Variants in SOD2 observed in about 807,000 individuals in gnomAD.
SOD2 encodes the protein superoxide dismutase [Mn], mitochondrial.
Under a neutral mutation model 27.0 loss-of-function variants are expected in SOD2, and 11 were observed. That is an observed-to-expected ratio of 0.41 (90% confidence interval 0.26 to 0.67). The LOEUF is 0.67. SOD2 is among the 30% of genes least tolerant of loss of function. The pLI is 0.34. For missense variants in SOD2, 250 were observed against 274.5 expected (o/e 0.91, Z 0.63); for synonymous variants, 105 against 103.0 (o/e 1.02, Z -0.12).
intron 1 of SOD2, among the ~76,000 whole-genome samples, chr6:159,754,071 A>G (rs116463446): frequency 0.015 from 2,279 of 152,350 alleles, 57 homozygotes; most frequent in African/African-American, 0.052. Context: ...ATTTGCTGAG[A>G]TAAAACTTGT....
chr6:159,749,672 T>C (rs1341037001), upstream of SOD2, among the ~76,000 whole-genome samples: 2 of 152,208 alleles, frequency 1.3e-5, no homozygotes, highest in African/African-American at 4.8e-5. Context: ...GAAAGTAATG[T>C]GGGACAGCTT....
intron 1 of SOD2, chr6:159,760,944 T>C (rs1050172269): frequency 6.6e-6 from 1 of 152,376 alleles, no homozygotes; most frequent in Non-Finnish European, 1.5e-5. Context: ...ATTTCACCAC[T>C]ATTCCAGACC....
Position 159,684,945 on chromosome 6 carries a change from G to C in SOD2, c.432C>G (p.Gly144=). The C allele has an allele frequency of 3.7e-6, 6 of 1,613,620 alleles. No homozygotes were observed. The highest frequency in any genetic ancestry group is 5.1e-6 in the Non-Finnish European group (6 of 1,179,810). ...TGAAACCAAGCCAACCCCAACCTGA[G>C]CCTTGGACACCAACAGATGCAGCCG... ...KLTAASVGVQ[G]SGWGWLGFNK... is the part of the protein sequence containing the mutation. Residue 144 remains glycine, a synonymous_variant, in exon 4 of 5, where the codon GGC becomes GGG. Coordinates refer to ENST00000538183, the MANE Select transcript of SOD2 (RefSeq NM_000636.4).
In SOD2 at chr6:159,693,191, T is replaced by A; in HGVS notation, c.-24A>T. 1 of 1,521,592 alleles carries A rather than the reference T, an allele frequency of 6.6e-7. No individual in the cohort carries two copies. Among genetic ancestry groups the A allele is most frequent in the Non-Finnish European group, 8.8e-7 (1 of 1,133,782 alleles). 94.3% of individuals were successfully genotyped at this position (1,521,592 alleles called of 1,614,324 possible). A position where few individuals can be genotyped will look rare whatever the true frequency, so the allele number is the denominator to read the frequency against. ...ATGCTGCTAGTGCTGGTGCTACCGCTGATGCCGCCGATCTGCTGAAGCCGC... is the reference window on the plus strand; with the variant it reads ...ATGCTGCTAGTGCTGGTGCTACCGCAGATGCCGCCGATCTGCTGAAGCCGC... On this transcript the variant is annotated 5_prime_UTR_variant, in exon 1 of 5. Transcript: ENST00000538183.
upstream of SOD2, among the ~76,000 whole-genome samples, chr6:159,728,011 G>T (rs960122407): frequency 6.6e-6 from 1 of 152,222 alleles, no homozygotes; most frequent in African/African-American, 2.4e-5. Context: ...GGCGGCGCTC[G>T]TTTTTTCCTC....
intron 1 of SOD2, among the ~76,000 whole-genome samples, chr6:159,734,177 T>G (rs1583069839): frequency 1.3e-5 from 2 of 151,900 alleles, no homozygotes; most frequent in Non-Finnish European, 1.5e-5. Flanking sequence ...GTGTGTGTGT[T>G]TTGTTTGTTT....
intron 1 of SOD2, chr6:159,755,200 A>G: frequency 6.2e-7 from 1 of 1,614,222 alleles, no homozygotes; most frequent in Non-Finnish European, 8.5e-7. Flanking sequence ...CTGAACCTGT[A>G]GAACAGTCAG....
chr6:159,712,023 C>G (rs1195638531), intron 1 of SOD2, among the ~76,000 whole-genome samples: 2 of 52,748 alleles, frequency 3.8e-5, no homozygotes, highest in African/African-American at 6.4e-5. Flanking sequence ...ATAACCACCA[C>G]TCACACTGCT....
chr6:159,729,700 T>C (rs552774117), upstream of SOD2, among the ~76,000 whole-genome samples: 4 of 152,348 alleles, frequency 2.6e-5, no homozygotes, highest in African/African-American at 9.6e-5. Context: ...GAATCACACA[T>C]GGCAGATAGA....
In SOD2 at chr6:159,736,427, CAAT is replaced by C. The variant is rs1443949623; in HGVS notation, c.-116+8700_-116+8702del. Reference sequence around the variant, plus strand: ...ATTTTTCATTTCTTTGCCTTTATAACAATAATAGCATTGGAGTTGTACAGTGTG... The same window carrying C: ...ATTTTTCATTTCTTTGCCTTTATAACAATAGCATTGGAGTTGTACAGTGTG... On this transcript the variant is annotated intron_variant, in intron 1 of 3. Coordinates refer to the SOD2 transcript ENST00000537657. 3 of 717,950 alleles carry C rather than the reference CAAT, an allele frequency of 4.2e-6. No homozygotes were observed. The African/African-American group carries it at 5.3e-5, about 13-fold the overall frequency. The allele number at this position is 717,950 out of a possible 1,614,324, so 44.5% of individuals were successfully genotyped here.
At chr6:159,727,258 C>G (rs1305580735) in exon 1 of SOD2, 1 of 1,283,544 alleles carries the variant, frequency 7.8e-7, no homozygotes, top group Non-Finnish European at 1.0e-6. Context: ...CGGCCTCCCT[C>G]CCTTCACCTT....
chr6:159,693,509 G>A (rs1342527085), upstream of SOD2, among the ~76,000 whole-genome samples: 8 of 152,246 alleles, frequency 5.3e-5, no homozygotes, highest in East Asian at 1.4e-3. Context: ...CTTGAGTGGC[G>A]CGCGGCCGAA....
At chr6:159,743,989 G>A (rs1779413547) in intron 1 of SOD2, among the ~76,000 whole-genome samples, 1 of 151,814 alleles carries the variant, frequency 6.6e-6, no homozygotes, top group Non-Finnish European at 1.5e-5. Flanking sequence ...GGCCAAGAAG[G>A]CAAAGTTTTA....
chr6:159,725,906 C>G (rs887246880), intron 1 of SOD2: 2 of 152,162 alleles, frequency 1.3e-5, no homozygotes, highest in African/African-American at 4.8e-5. Flanking sequence ...AAGCAACACA[C>G]GATTATTTCC....
chr6:159,682,752 C>T, intron 4 of SOD2, 114 bp from the exon 5 acceptor site: 1 of 969,266 alleles, frequency 1.0e-6, no homozygotes, highest in Non-Finnish European at 1.4e-6. Context: ...TTGTAACAAT[C>T]TCATTCACTT....
chr6:159,695,925 T>C (rs1306333619), upstream of SOD2, among the ~76,000 whole-genome samples: 1 of 152,190 alleles, frequency 6.6e-6, no homozygotes, highest in African/African-American at 2.4e-5. Flanking sequence ...CAGGACACCA[T>C]GAATATGGAT....
intron 1 of SOD2, among the ~76,000 whole-genome samples, chr6:159,743,340 C>T (rs192904793): frequency 1.1e-4 from 17 of 152,342 alleles, no homozygotes; most frequent in Admixed American, 1.1e-3. Context: ...AGCCTCTGTG[C>T]CCAGACAGCA....
chr6:159,725,094 A>G (rs1361421085), intron 1 of SOD2, among the ~76,000 whole-genome samples: 1 of 152,228 alleles, frequency 6.6e-6, no homozygotes. Context: ...ATTTCTGTAT[A>G]TGCTCGCAGA....
At chr6:159,760,118 T>G (rs1439781283) in intron 1 of SOD2, 2 of 152,156 alleles carry the variant, frequency 1.3e-5, no homozygotes, top group African/African-American at 4.8e-5. Flanking sequence ...TGCAGGAGAT[T>G]GGAAGGTTTT....
Sources: gnomAD v4.1 joint callset for allele counts (sites outside exome capture counted in the v4.1 genomes callset) on GRCh38, gnomAD v4.1.1 for gene constraint, MANE v1.5 for transcripts, NCBI Gene and HGNC (gene_info 2026-07-23, HGNC 2026-07-21) for gene names.